ZBED4: variants seen among roughly 807,000 people sequenced by gnomAD.
ZBED4 encodes the protein zinc finger BED-type containing 4.
A neutral mutation model predicts 15.5 loss-of-function variants in ZBED4; 4 were observed. The ratio of observed to expected loss-of-function variants is 0.26; its 90% CI spans 0.13 to 0.59. ZBED4 has a LOEUF of 0.59. ZBED4 is among the 20% of genes least tolerant of loss of function. The probability of loss-of-function intolerance (pLI) is 0.90; values close to 1 mark genes in which losing one functional copy is unlikely to be tolerated. For synonymous variants in ZBED4, 692 were observed against 608.5 expected, an observed-to-expected ratio of 1.14 and a Z score of -2.02; for missense variants, 1,323 against 1,461.8, an observed-to-expected ratio of 0.91 and a Z score of 1.55.
At chr22:49,881,231 C>T (rs1250004368) in intron 1 of ZBED4, among the ~76,000 whole-genome samples, 2 of 152,212 alleles carry the variant, frequency 1.3e-5, no homozygotes, top group South Asian at 4.1e-4. Context: ...CGCCTGTAAT[C>T]CCAGCTACTT....
At chr22:49,855,021 C>T (rs938689953) in intron 1 of ZBED4, among the ~76,000 whole-genome samples, 3 of 151,994 alleles carry the variant, frequency 2.0e-5, no homozygotes, top group African/African-American at 7.3e-5. Context: ...TATGAATAAG[C>T]CACATTTTGA....
chr22:49,875,363 A>T (rs1179615236), intron 1 of ZBED4, among the ~76,000 whole-genome samples: 1 of 149,750 alleles, frequency 6.7e-6, no homozygotes, highest in Non-Finnish European at 1.5e-5. Flanking sequence ...GAGTTTTTGT[A>T]GTTTCTGTCT....
chr22:49,871,630 A>G (rs889630524), intron 1 of ZBED4, among the ~76,000 whole-genome samples: 42 of 152,148 alleles, frequency 2.8e-4, no homozygotes, highest in African/African-American at 9.2e-4. Flanking sequence ...GCAACTCATA[A>G]TCTCAGCTGG....
At chr22:49,870,599 G>A (rs923300339) in intron 1 of ZBED4, among the ~76,000 whole-genome samples, 1 of 151,978 alleles carries the variant, frequency 6.6e-6, no homozygotes, top group Non-Finnish European at 1.5e-5. Context: ...ATTTTTTCAC[G>A]TCTGTTGGCC....
chr22:49,876,333 T>C (rs376637747), intron 1 of ZBED4, among the ~76,000 whole-genome samples: 1 of 152,190 alleles, frequency 6.6e-6, no homozygotes, highest in Non-Finnish European at 1.5e-5. Context: ...TCTTTACTGA[T>C]TTTTATGTAC....
rs948787405 is a variant in ZBED4, at chr22:49,888,906, G to A, written c.*1728G>A. 20 of 167,336 alleles carry A rather than the reference G, an allele frequency of 1.2e-4. No individual in the cohort carries two copies. The highest frequency in any genetic ancestry group is 2.1e-4 in the South Asian group (1 of 4,826). 10.4% of individuals were successfully genotyped at this position (167,336 alleles called of 1,614,324 possible). A position where few individuals can be genotyped will look rare whatever the true frequency, so the allele number is the denominator to read the frequency against. On this transcript the variant is annotated 3_prime_UTR_variant, in exon 2 of 2. Transcript: ENST00000216268. Reference sequence around the variant, plus strand: ...GTCATCCTGGTGTAGAAAGGGTTGCGCACAGGATAGGAGGGAGCCACAGTT... The same window carrying A: ...GTCATCCTGGTGTAGAAAGGGTTGCACACAGGATAGGAGGGAGCCACAGTT...
In ZBED4 at chr22:49,887,595, C is replaced by T. The variant is rs573779419; in HGVS notation, c.*417C>T. On this transcript the variant is annotated 3_prime_UTR_variant, in exon 2 of 2. Coordinates refer to ENST00000216268, the MANE Select transcript of ZBED4 (RefSeq NM_014838.3). ...TAGTGAAGCATTGCTTTAATTGCAA[C>T]AGAATAGCTTTTGTGGCTATCAAAT... The T allele has an allele frequency of 5.7e-6, 1 of 175,062 alleles. No homozygotes were observed. Among genetic ancestry groups the T allele is most frequent in the Non-Finnish European group, 1.4e-5 (1 of 72,546 alleles). The allele number at this position is 175,062 out of a possible 1,614,324, so 10.8% of individuals were successfully genotyped here.
At chr22:49,865,113 C>A (rs926298436) in intron 1 of ZBED4, among the ~76,000 whole-genome samples, 18 of 152,052 alleles carry the variant, frequency 1.2e-4, no homozygotes, top group Non-Finnish European at 2.5e-4. Context: ...GTTGTGTGAA[C>A]CTCATAGAGT....
chr22:49,855,548 C>T (rs989568941), intron 1 of ZBED4, among the ~76,000 whole-genome samples: 3 of 152,254 alleles, frequency 2.0e-5, no homozygotes, highest in East Asian at 3.9e-4. Context: ...TGTGTGTGTG[C>T]AGAGGAGCTG....
intron 1 of ZBED4, among the ~76,000 whole-genome samples, chr22:49,872,522 A>G (rs2060353337): frequency 6.6e-6 from 1 of 151,974 alleles, no homozygotes; most frequent in African/African-American, 2.4e-5. Context: ...CAGGAATCAC[A>G]CATGGTTTTG....
rs766631491 is a variant in ZBED4 at position 49,887,969 on chromosome 22, C to G, written c.*791C>G. On this transcript the variant is annotated 3_prime_UTR_variant, in exon 2 of 2. Coordinates refer to ENST00000216268, the MANE Select transcript of ZBED4 (RefSeq NM_014838.3). ...CAGGTGGTCCCTGCTGAAACCCCCACGCCTCCGCTTCAGCATCTCCACGCT... is the reference window on the plus strand; with the variant it reads ...CAGGTGGTCCCTGCTGAAACCCCCAGGCCTCCGCTTCAGCATCTCCACGCT... 1.2e-5 allele frequency: 2 copies of G among 167,248 alleles called. No homozygotes were observed. The highest frequency in any genetic ancestry group is 2.4e-5 in the African/African-American group (1 of 41,454). 10.4% of individuals were successfully genotyped at this position (167,248 alleles called of 1,614,324 possible).
At chr22:49,870,592 T>G (rs2060342018) in intron 1 of ZBED4, among the ~76,000 whole-genome samples, 2 of 152,210 alleles carry the variant, frequency 1.3e-5, no homozygotes. Context: ...GTCGAGCATT[T>G]TTTCACGTCT....
Position 49,883,681 on chromosome 22 carries a change from A to T in ZBED4, c.19A>T (p.Thr7Ser), listed in dbSNP as rs749624754. ...GTCAGTCATGGAGAATAACTTGAAA[A>T]CTTGTCCCAAAGAGGACGGTGATTT... MENNLK[T>S]CPKEDGDFVS... The change falls in exon 2 of 2, where the codon ACT (threonine) becomes TCT (serine). Residue 7 changes from threonine (T) to serine (S), a missense_variant. Around this residue, in one of 6 missense-constraint regions of ZBED4, gnomAD observed 380 missense variants for 413.7 expected, o/e 0.92. Coordinates refer to ENST00000216268, the MANE Select transcript of ZBED4 (RefSeq NM_014838.3). The T allele has an allele frequency of 6.3e-7, 1 of 1,586,500 alleles. No homozygotes were observed. Among genetic ancestry groups the T allele is most frequent in the South Asian group, 1.1e-5 (1 of 88,336 alleles).
chr22:49,867,940 T>C (rs1484602977), intron 1 of ZBED4, among the ~76,000 whole-genome samples: 1 of 152,222 alleles, frequency 6.6e-6, no homozygotes, highest in African/African-American at 2.4e-5. Context: ...TGTCATAAAG[T>C]GTTGAATATC....
Position 49,885,795 on chromosome 22 carries a change from T to C in ZBED4, c.2133T>C (p.Asn711=), listed in dbSNP as rs761164036. The C allele has an allele frequency of 2.4e-5, 38 of 1,604,092 alleles. No individual in the cohort carries two copies. The highest frequency in any genetic ancestry group is 3.1e-5 in the Non-Finnish European group (36 of 1,171,714). The stretch of plus-strand genomic sequence containing the variant: ...CAGCTATCCCAGGTATGTATGATAA[T>C]GTGAAGCAGATAATTATGTCCCACC... ...SRTAIPGMYD[N]VKQIIMSHLK... The change falls in exon 2 of 2, where the codon AAT becomes AAC. Residue 711 remains asparagine, a synonymous_variant. Coordinates refer to ENST00000216268, the MANE Select transcript of ZBED4 (RefSeq NM_014838.3).
At chr22:49,859,602 C>T (rs1250884158) in intron 1 of ZBED4, among the ~76,000 whole-genome samples, 1 of 152,178 alleles carries the variant, frequency 6.6e-6, no homozygotes, top group Admixed American at 6.5e-5. Flanking sequence ...AGGCCATAGA[C>T]GTAGTCATTG....
chr22:49,866,792 AC>A (rs2060324123), intron 1 of ZBED4, among the ~76,000 whole-genome samples: 1 of 152,178 alleles, frequency 6.6e-6, no homozygotes, highest in Non-Finnish European at 1.5e-5. Flanking sequence ...ATTACCACAA[AC>A]CGAGTGGCTT....
At position 49,887,466 on chromosome 22, in the gene ZBED4, G is replaced by T; in HGVS notation, c.*288G>T. ...AACCGTAAAGTTTTTTAAAGTTTTG[G>T]GTTAGTAATTTGTTTTACTAGAATG... On this transcript the variant is annotated 3_prime_UTR_variant, in exon 2 of 2. Coordinates refer to ENST00000216268, the MANE Select transcript of ZBED4 (RefSeq NM_014838.3). 3.4e-6 allele frequency: 1 copy of T among 296,162 alleles called. No homozygotes were observed. The highest frequency in any genetic ancestry group is 6.7e-6 in the Non-Finnish European group (1 of 149,458). The allele number at this position is 296,162 out of a possible 1,614,324, so 18.3% of individuals were successfully genotyped here.
chr22:49,856,445 T>A (rs2075712346), intron 1 of ZBED4, among the ~76,000 whole-genome samples: 1 of 152,232 alleles, frequency 6.6e-6, no homozygotes. Flanking sequence ...GAGGTTGCCC[T>A]GAAGGGTCTG....
Sources: allele counts gnomAD v4.1 joint callset (sites outside exome capture counted in the v4.1 genomes callset), GRCh38; gene constraint gnomAD v4.1.1; regional missense constraint gnomAD v4.1.1; transcripts MANE v1.5; gene names NCBI Gene and HGNC (gene_info 2026-07-23, HGNC 2026-07-21).